Variants in FER1L6 observed in about 807,000 individuals in gnomAD.
The protein encoded by FER1L6 is fer-1-like protein 6.
A neutral mutation model predicts 219.2 loss-of-function variants in FER1L6; 177 were observed. The ratio of observed to expected loss-of-function variants is 0.81; its 90% confidence interval spans 0.71 to 0.91. The LOEUF (loss-of-function observed/expected upper bound fraction) is 0.91. Ranked by LOEUF, FER1L6 falls within the 40% of genes least tolerant of loss-of-function variation. FER1L6 has a pLI of 0.00. For missense variants in FER1L6, 2,153 were observed against 2,259.9 expected (o/e 0.95, Z 0.96); for synonymous variants, 768 against 824.3 (o/e 0.93, Z 1.17).
intron 12 of FER1L6, among the ~76,000 whole-genome samples, chr8:123,986,960 A>G (rs1816615306): frequency 6.6e-6 from 1 of 152,202 alleles, no homozygotes; most frequent in Admixed American, 6.5e-5. Context: ...GCTATTGTAA[A>G]TAGTGCTGTA....
chr8:124,043,188 T>C (rs1819579443), intron 20 of FER1L6, among the ~76,000 whole-genome samples: 1 of 152,134 alleles, frequency 6.6e-6, no homozygotes, highest in Non-Finnish European at 1.5e-5. Context: ...TAACAAGCAA[T>C]TATTGAGCAC....
At chr8:124,051,617 C>T (rs760084222) in intron 22 of FER1L6, among the ~76,000 whole-genome samples, 4 of 152,122 alleles carry the variant, frequency 2.6e-5, no homozygotes, top group Admixed American at 6.6e-5. Flanking sequence ...CCATGTATTT[C>T]AGGTAAAGGA....
intron 22 of FER1L6, among the ~76,000 whole-genome samples, chr8:124,054,181 T>C (rs984739939): frequency 3.1e-4 from 47 of 152,178 alleles, no homozygotes; most frequent in African/African-American, 1.1e-3. Context: ...ACTTTTCCTG[T>C]TCACTCCATC....
chr8:124,034,548 A>G (rs778121314), intron 18 of FER1L6, among the ~76,000 whole-genome samples: 8 of 152,218 alleles, frequency 5.3e-5, no homozygotes, highest in Non-Finnish European at 4.4e-5. Flanking sequence ...AGACATAAAC[A>G]TAGAAATTAA....
intron 1 of FER1L6, among the ~76,000 whole-genome samples, chr8:123,946,365 C>T (rs925656467): frequency 3.9e-5 from 6 of 152,168 alleles, no homozygotes; most frequent in Non-Finnish European, 8.8e-5. Context: ...GATTCTCCTG[C>T]CTCAGTCTCC....
At chr8:124,064,737 AGCTTTGT>A (rs1243792298) in intron 26 of FER1L6, among the ~76,000 whole-genome samples, 164 bp downstream of exon 26, 2 of 152,222 alleles carry the variant, frequency 1.3e-5, no homozygotes, top group African/African-American at 4.8e-5. Flanking sequence ...CCCACTTCAC[AGCTTTGT>A]TATAGGATCA....
rs772959342 is a variant in FER1L6, at chr8:124,071,616, A to AGT, written c.4078_4079dup (p.Ile1362ThrfsTer22). On this transcript the variant is annotated frameshift_variant, in exon 31 of 41. Coordinates refer to ENST00000522917, the MANE Select transcript of FER1L6 (RefSeq NM_001039112.2). LOFTEE classifies it high-confidence loss of function. ...ATCACCCTGTCACAGTGCTGATCAGAGTATACATTGTCGCGGTGAGCCATT... is the reference window on the plus strand; with the variant it reads ...ATCACCCTGTCACAGTGCTGATCAGAGTGTATACATTGTCGCGGTGAGCCATT... 6.2e-7 allele frequency: 1 copy of AGT among 1,613,620 alleles called. No homozygotes were observed. The highest frequency in any genetic ancestry group is 2.2e-5 in the East Asian group (1 of 44,880).
chr8:123,963,352 G>A lies in FER1L6; in HGVS notation c.151G>A (p.Asp51Asn). The stretch of plus-strand genomic sequence containing the variant: ...AGGACCGAGAGGAGATTTGGTCCAT[G>A]ATGATGCTTCTATCTTTCCTGTCCC... ...QEGPRGDLVHDDASIFPVPSA... is the reference protein window; with the variant it reads ...QEGPRGDLVHNDASIFPVPSA... Residue 51 changes from aspartate to asparagine, a missense_variant, in exon 3 of 41, where the codon GAT becomes AAT. Physicochemically the swap from Asp to Asn is conservative, Grantham distance 23 (BLOSUM62 1). Transcript: ENST00000522917. 2 of 1,614,168 alleles carry A rather than the reference G, an allele frequency of 1.2e-6. No homozygotes were observed. The highest frequency in any genetic ancestry group is 2.7e-5 in the African/African-American group (2 of 75,054).
In FER1L6 at chr8:124,018,078, A is replaced by G. The variant is rs150355123; in HGVS notation, c.2013+360A>G. Reference sequence around the variant, plus strand: ...TGCTCCTTGACTTCAGGTTCCTCCTATTGAGAATTGTGTTAAAATTTAAAA... The same window carrying G: ...TGCTCCTTGACTTCAGGTTCCTCCTGTTGAGAATTGTGTTAAAATTTAAAA... On this transcript the variant is annotated intron_variant, in intron 16 of 40. Transcript: ENST00000522917. Among the ~76,000 whole-genome samples, 3 of 152,284 alleles carry G rather than the reference A, an allele frequency of 2.0e-5. No individual in the cohort carries two copies. In the East Asian group the frequency reaches 5.8e-4, roughly 29 times the overall value.
intron 1 of FER1L6, among the ~76,000 whole-genome samples, chr8:123,898,781 G>GTATATACATATATACA (rs201509499): frequency 0.33 from 45,058 of 135,616 alleles, 7,835 homozygotes; most frequent in Middle Eastern, 0.42. Flanking sequence ...GTATATATAC[G>GTATATACATATATACA]TATGTACATA....
intron 1 of FER1L6, among the ~76,000 whole-genome samples, chr8:123,894,279 G>A (rs577955594): frequency 6.6e-5 from 10 of 152,174 alleles, no homozygotes; most frequent in Admixed American, 4.6e-4. Context: ...TTTTCCCATC[G>A]TAGTTACATT....
intron 18 of FER1L6, among the ~76,000 whole-genome samples, chr8:124,029,847 T>C (rs1818880482): frequency 1.3e-5 from 2 of 152,262 alleles, no homozygotes; most frequent in South Asian, 2.1e-4. Flanking sequence ...CTCATGCCTA[T>C]GTCCTGAATG....
At chr8:123,968,961 G>T (rs1815677975) in intron 5 of FER1L6, among the ~76,000 whole-genome samples, 1 of 152,040 alleles carries the variant, frequency 6.6e-6, no homozygotes, top group Non-Finnish European at 1.5e-5. Context: ...CTGCCTTCCT[G>T]GTCCCCCTCA....
At chr8:123,938,711 T>C (rs973946564) in intron 1 of FER1L6, among the ~76,000 whole-genome samples, 1 of 152,020 alleles carries the variant, frequency 6.6e-6, no homozygotes, top group Non-Finnish European at 1.5e-5. Flanking sequence ...CACACCCAGA[T>C]AATTTTTTGT....
intron 1 of FER1L6, among the ~76,000 whole-genome samples, chr8:123,918,470 T>G (rs1182353661): frequency 1.3e-5 from 2 of 152,214 alleles, no homozygotes; most frequent in Non-Finnish European, 2.9e-5. Flanking sequence ...TTTGTCTATG[T>G]GCAATCGCAT....
chr8:124,118,935 C>A lies in FER1L6; in HGVS notation c.5381C>A (p.Ala1794Asp). 1 of 1,612,760 alleles carries A rather than the reference C, an allele frequency of 6.2e-7. No homozygotes were observed. The highest frequency in any genetic ancestry group is 2.2e-5 in the East Asian group (1 of 44,864). The change falls in exon 40 of 41, where the codon GCC (alanine) becomes GAC (aspartate). Residue 1794 changes from alanine (A) to aspartate (D), a missense_variant. Transcript: ENST00000522917. ...GCCCGAAAGGAGCCAGAGCCCCTGG[C>A]CAAGCCCAAGTGAGTGGAGTTGCTA... Reference protein sequence around the residue: ...GKARKEPEPLAKPNRPDTSFS... With the variant: ...GKARKEPEPLDKPNRPDTSFS...
chr8:124,049,549 G>A (rs1265999590), intron 21 of FER1L6, 58 bp from the exon 22 acceptor site: 27 of 1,580,440 alleles, frequency 1.7e-5, no homozygotes, highest in Non-Finnish European at 2.2e-5. Context: ...CATTGATGTG[G>A]ATCAGAACCA....
intron 33 of FER1L6, among the ~76,000 whole-genome samples, chr8:124,088,933 GGCCTCTGAACTGTGCT>G (rs1325422085): frequency 6.6e-6 from 1 of 151,748 alleles, no homozygotes; most frequent in Non-Finnish European, 1.5e-5. Flanking sequence ...GTCTGTCCTG[GGCCTCTGAACTGTGCT>G]GCCTGGGATT....
At chr8:123,937,582 G>A (rs1414814609) in intron 1 of FER1L6, among the ~76,000 whole-genome samples, 2 of 152,100 alleles carry the variant, frequency 1.3e-5, no homozygotes, top group African/African-American at 4.8e-5. Context: ...AACAATCTGT[G>A]AGAATTAATT....
Sources: gnomAD v4.1 joint callset for allele counts (sites outside exome capture counted in the v4.1 genomes callset) on GRCh38, gnomAD v4.1.1 for gene constraint, MANE v1.5 for transcripts, NCBI Gene and HGNC (gene_info 2026-07-23, HGNC 2026-07-21) for gene names.